Variants in CAP2 observed in about 807,000 individuals in gnomAD.
The protein encoded by CAP2 is adenylyl cyclase-associated protein 2.
In CAP2, 24 loss-of-function variants were observed where a neutral mutation model predicts 57.7. The ratio of observed to expected loss-of-function variants is 0.42; its 90% CI spans 0.30 to 0.58. CAP2 has a LOEUF of 0.58. CAP2 is among the 20% of genes least tolerant of loss of function. The pLI is 0.22. For synonymous variants in CAP2, 194 were observed against 207.2 expected (o/e 0.94, Z 0.55); for missense variants, 501 against 590.3 (o/e 0.85, Z 1.57).
At chr6:17,488,593 C>T (rs1264962750) in intron 4 of CAP2, among the ~76,000 whole-genome samples, 1 of 152,212 alleles carries the variant, frequency 6.6e-6, no homozygotes, top group African/African-American at 2.4e-5. Flanking sequence ...AGCCCACATT[C>T]AGCTCAGAGA....
intron 3 of CAP2, among the ~76,000 whole-genome samples, chr6:17,435,453 T>G (rs2113552763): frequency 2.0e-5 from 1 of 49,846 alleles, no homozygotes; most frequent in East Asian, 5.8e-4. Context: ...ACACCGCATA[T>G]TCTCACTCAT....
At chr6:17,497,577 G>C (rs1485388287) in intron 4 of CAP2, among the ~76,000 whole-genome samples, 3 of 152,166 alleles carry the variant, frequency 2.0e-5, no homozygotes, top group Non-Finnish European at 4.4e-5. Context: ...TCATTGCCTA[G>C]TATTGATCCA....
At chr6:17,471,411 G>A (rs2113609274) in intron 4 of CAP2, among the ~76,000 whole-genome samples, 1 of 152,244 alleles carries the variant, frequency 6.6e-6, no homozygotes, top group East Asian at 1.9e-4. Flanking sequence ...TAATACAAAG[G>A]CATGAAGAAA....
At chr6:17,453,425 C>T (rs977467697) in intron 3 of CAP2, among the ~76,000 whole-genome samples, 7 of 152,266 alleles carry the variant, frequency 4.6e-5, no homozygotes, top group South Asian at 2.1e-4. Context: ...AATCCATCTG[C>T]GTCTTGTTTT....
intron 11 of CAP2, among the ~76,000 whole-genome samples, chr6:17,549,169 A>G (rs1763116671): frequency 6.6e-6 from 1 of 152,214 alleles, no homozygotes; most frequent in African/African-American, 2.4e-5. Flanking sequence ...ACTTAAATCA[A>G]TAAGAAAAAG....
intron 7 of CAP2, among the ~76,000 whole-genome samples, chr6:17,536,710 A>G (rs1272875222): frequency 2.0e-5 from 3 of 152,168 alleles, no homozygotes; most frequent in Non-Finnish European, 2.9e-5. Flanking sequence ...TTTACACAAA[A>G]TAGGACTATA....
chr6:17,494,807 T>C lies in CAP2; in HGVS notation c.301-12362T>C, dbSNP rs564255606. On this transcript the variant is annotated intron_variant, in intron 4 of 12. Transcript: ENST00000229922. Reference sequence around the variant, plus strand: ...AATTGGTAGACTGAGTAAAGTAGATTGCGCTTCCAAATCAGTTGGAGTGCC... The same window carrying C: ...AATTGGTAGACTGAGTAAAGTAGATCGCGCTTCCAAATCAGTTGGAGTGCC... Among the ~76,000 whole-genome samples, 9 of 152,314 alleles carry C rather than the reference T, an allele frequency of 5.9e-5. No homozygotes were observed. In the East Asian group the frequency reaches 1.7e-3, roughly 29 times the overall value.
intron 4 of CAP2, among the ~76,000 whole-genome samples, chr6:17,473,263 G>T (rs1761068516): frequency 6.6e-6 from 1 of 152,148 alleles, no homozygotes; most frequent in African/African-American, 2.4e-5. Flanking sequence ...GATGGCAAAT[G>T]CTACATAAAT....
intron 7 of CAP2, among the ~76,000 whole-genome samples, chr6:17,529,655 T>TATAC (rs1762595264): frequency 8.3e-6 from 1 of 119,932 alleles, no homozygotes; most frequent in Non-Finnish European, 1.7e-5. Flanking sequence ...AAAAAAAATA[T>TATAC]ATATATATAT....
chr6:17,485,100 G>A (rs1761387611), intron 4 of CAP2, among the ~76,000 whole-genome samples: 1 of 152,038 alleles, frequency 6.6e-6, no homozygotes, highest in Non-Finnish European at 1.5e-5. Context: ...TTTGAGATAA[G>A]TAGAATAGCA....
rs760587126 is a variant in CAP2, at chr6:17,513,811, C to T, written c.531-38C>T. On this transcript the variant is annotated intron_variant, in intron 6 of 12. Coordinates refer to ENST00000229922, the MANE Select transcript of CAP2 (RefSeq NM_006366.3). The surrounding 1 kb of genome is among the most constrained non-coding windows in gnomAD (Gnocchi z 4.3). Reference sequence around the variant, plus strand: ...ATTTTTTTAAAATTTTATTTTAGATCCTAACTCTGCTTTCTTCAACCCTCT... The same window carrying T: ...ATTTTTTTAAAATTTTATTTTAGATTCTAACTCTGCTTTCTTCAACCCTCT... The T allele has an allele frequency of 4.3e-6, 6 of 1,410,024 alleles. No individual in the cohort carries two copies. In the South Asian group the frequency reaches 5.7e-5, roughly 14 times the overall value. 87.3% of individuals were successfully genotyped at this position (1,410,024 alleles called of 1,614,324 possible). A position where few individuals can be genotyped will look rare whatever the true frequency, so the allele number is the denominator to read the frequency against.
At chr6:17,522,891 T>C (rs1381948761) in intron 7 of CAP2, among the ~76,000 whole-genome samples, 1 of 152,082 alleles carries the variant, frequency 6.6e-6, no homozygotes, top group African/African-American at 2.4e-5. Context: ...GCATTCTGGG[T>C]TCAGGTGATT....
Position 17,438,262 on chromosome 6 carries a change from A to G in CAP2, c.222+11572A>G, listed in dbSNP as rs546714470. 4.2e-3 allele frequency among the ~76,000 whole-genome samples: 627 copies of G among 150,828 alleles called. 24 individuals carry two copies. The highest frequency in any genetic ancestry group is 0.015 in the African/African-American group (592 of 40,548). ...GTGCCTGTAATCCCAGCTACTCGGG[A>G]GGCTGAGGCAGGAGAATTGCCCCAA... On this transcript the variant is annotated intron_variant, in intron 3 of 12. Coordinates refer to ENST00000229922, the MANE Select transcript of CAP2 (RefSeq NM_006366.3).
intron 7 of CAP2, among the ~76,000 whole-genome samples, chr6:17,516,509 T>C (rs1321061462): frequency 6.6e-6 from 1 of 152,180 alleles, no homozygotes; most frequent in Non-Finnish European, 1.5e-5. Context: ...TTGGGTACAG[T>C]GTATACTGCT....
At chr6:17,531,536 T>C in intron 7 of CAP2, 1 of 1,539,890 alleles carries the variant, frequency 6.5e-7, no homozygotes, top group Non-Finnish European at 8.9e-7. Context: ...GACAAACTTC[T>C]TTCTCAGGTG....
At chr6:17,464,677 C>T (rs1760817458) in intron 4 of CAP2, among the ~76,000 whole-genome samples, 1 of 152,196 alleles carries the variant, frequency 6.6e-6, no homozygotes, top group Non-Finnish European at 1.5e-5. Flanking sequence ...GATATATCAC[C>T]TCCCTCCACG....
chr6:17,492,954 AAACATG>A (rs1382493327), intron 4 of CAP2, among the ~76,000 whole-genome samples: 1 of 152,212 alleles, frequency 6.6e-6, no homozygotes, highest in African/African-American at 2.4e-5. Flanking sequence ...AAGAACAAGA[AAACATG>A]AGGTCAGAGT....
chr6:17,464,596 C>T (rs188410732), intron 4 of CAP2, among the ~76,000 whole-genome samples: 1 of 152,294 alleles, frequency 6.6e-6, no homozygotes, highest in African/African-American at 2.4e-5. Flanking sequence ...GTGGCCTGTG[C>T]TTTGAGATTT....
intron 4 of CAP2, among the ~76,000 whole-genome samples, chr6:17,494,352 C>T (rs374158414): frequency 1.4e-4 from 21 of 152,222 alleles, no homozygotes; most frequent in African/African-American, 4.8e-4. Context: ...CTCCCTCAGT[C>T]GCTCCATTCC....
Sources: gnomAD v4.1 joint callset for allele counts (sites outside exome capture counted in the v4.1 genomes callset) on GRCh38, gnomAD v4.1.1 for gene constraint, Gnocchi (gnomAD v3.1) non-coding constraint, MANE v1.5 for transcripts, NCBI Gene and HGNC (gene_info 2026-07-23, HGNC 2026-07-21) for gene names.